Variants in AOPEP observed in about 807,000 individuals in gnomAD.
AOPEP encodes the protein aminopeptidase O.
A neutral mutation model predicts 98.1 loss-of-function variants in AOPEP; 77 were observed. The observed-to-expected ratio is 0.78, with a 90% CI of 0.65 to 0.95. The LOEUF is 0.95. Among genes scored for constraint, AOPEP ranks in the 40% least tolerant of loss-of-function variants. The pLI is 0.00. For synonymous variants in AOPEP, 346 were observed against 365.3 expected (o/e 0.95, Z 0.60); for missense variants, 1,024 against 1,024.7 (o/e 1.00, Z 0.01).
chr9:94,951,726 G>C (rs1362753819), intron 7 of AOPEP, among the ~76,000 whole-genome samples: 2 of 152,220 alleles, frequency 1.3e-5, no homozygotes, highest in African/African-American at 4.8e-5. Flanking sequence ...GGCTGGCCAG[G>C]AGCAGCATGA....
At chr9:94,875,001 C>T (rs552865046) in intron 5 of AOPEP, among the ~76,000 whole-genome samples, 93 of 152,244 alleles carry the variant, frequency 6.1e-4, no homozygotes, top group African/African-American at 2.1e-3. Context: ...CTGAAGAATT[C>T]CTCTGGAAAT....
chr9:95,137,158 C>T, the AOPEP span, among the ~76,000 whole-genome samples: 1 of 152,246 alleles, frequency 6.6e-6, no homozygotes, highest in Non-Finnish European at 1.5e-5. Flanking sequence ...TTCACCATGA[C>T]TTTTGGGCCA....
At chr9:94,899,625 C>T (rs1212158660) in intron 5 of AOPEP, among the ~76,000 whole-genome samples, 2 of 151,704 alleles carry the variant, frequency 1.3e-5, no homozygotes, top group Non-Finnish European at 2.9e-5. Flanking sequence ...CGGTGTGCAC[C>T]TGTAGTCCCA....
At chr9:94,735,433 G>C (rs1831527854) in intron 1 of AOPEP, among the ~76,000 whole-genome samples, 1 of 152,060 alleles carries the variant, frequency 6.6e-6, no homozygotes, top group Non-Finnish European at 1.5e-5. Flanking sequence ...TGTTAGCCAG[G>C]ATGGTCTCGA....
At chr9:94,878,407 T>G (rs912562046) in intron 5 of AOPEP, among the ~76,000 whole-genome samples, 5 of 151,222 alleles carry the variant, frequency 3.3e-5, no homozygotes, top group South Asian at 4.2e-4. Flanking sequence ...GTGTGGTCCT[T>G]TCCAACAGGG....
At chr9:95,015,520 ACTGAG>A (rs1210268990) in intron 13 of AOPEP, among the ~76,000 whole-genome samples, 1 of 152,256 alleles carries the variant, frequency 6.6e-6, no homozygotes, top group Non-Finnish European at 1.5e-5. Flanking sequence ...AGTAGAGAAT[ACTGAG>A]ATGAATAGAA....
At chr9:95,101,919 C>T in the AOPEP span, 82 of 1,577,496 alleles carry the variant, frequency 5.2e-5, no homozygotes, top group South Asian at 9.0e-5. Flanking sequence ...TGTCCAGGGA[C>T]GGACCATAAC....
At chr9:94,877,817 T>A (rs1318036099) in intron 5 of AOPEP, among the ~76,000 whole-genome samples, 1 of 152,238 alleles carries the variant, frequency 6.6e-6, no homozygotes, top group Non-Finnish European at 1.5e-5. Context: ...AGAAGCACAA[T>A]ATACCTTTTG....
chr9:95,012,994 G>GA (rs886957212), intron 13 of AOPEP, among the ~76,000 whole-genome samples: 1 of 137,554 alleles, frequency 7.3e-6, no homozygotes, highest in African/African-American at 2.6e-5. Flanking sequence ...TTTTGGGGGG[G>GA]GGGGCAGGGC....
At chr9:94,924,791 T>C (rs2054061261) in intron 6 of AOPEP, among the ~76,000 whole-genome samples, 2 of 152,206 alleles carry the variant, frequency 1.3e-5, no homozygotes, top group South Asian at 4.1e-4. Flanking sequence ...CTATTAGTTT[T>C]TTAAGGTAAC....
At chr9:94,792,542 C>T (rs368202380) in intron 3 of AOPEP, among the ~76,000 whole-genome samples, 10 of 152,090 alleles carry the variant, frequency 6.6e-5, no homozygotes, top group African/African-American at 2.4e-4. Flanking sequence ...CAAACTGATC[C>T]GTGGAAGAGA....
chr9:95,061,922 T>C (rs987590710), intron 14 of AOPEP, among the ~76,000 whole-genome samples: 2 of 152,246 alleles, frequency 1.3e-5, no homozygotes, highest in Non-Finnish European at 2.9e-5. Flanking sequence ...CAGACTGTTA[T>C]TTTTAATTAG....
the AOPEP span, among the ~76,000 whole-genome samples, chr9:95,139,246 TCA>T: frequency 3.8e-4 from 58 of 152,280 alleles, no homozygotes; most frequent in Middle Eastern, 3.4e-3. Flanking sequence ...CGACGTGGTC[TCA>T]GTTTCACCCT....
chr9:95,100,369 G>A, the AOPEP span: 9 of 231,704 alleles, frequency 3.9e-5, no homozygotes, highest in East Asian at 5.5e-4. Context: ...ATCTTCAGTG[G>A]ATCTATTAGC....
intron 11 of AOPEP, among the ~76,000 whole-genome samples, chr9:94,982,332 T>C (rs1334326043): frequency 2.6e-5 from 4 of 152,086 alleles, no homozygotes; most frequent in Admixed American, 6.5e-5. Flanking sequence ...ATTCAAACAA[T>C]AGCAAAATAG....
chr9:95,076,562 C>T (rs1258849150), intron 14 of AOPEP, among the ~76,000 whole-genome samples: 1 of 152,122 alleles, frequency 6.6e-6, no homozygotes, highest in Admixed American at 6.5e-5. Flanking sequence ...GTCAAGATAT[C>T]CTATTAAATA....
At chr9:94,929,084 C>T (rs769333559) in intron 7 of AOPEP, among the ~76,000 whole-genome samples, 3 of 152,148 alleles carry the variant, frequency 2.0e-5, no homozygotes, top group East Asian at 3.8e-4. Flanking sequence ...CATTTTTCCA[C>T]GTTTGTCCCT....
chr9:95,108,055 C>T, the AOPEP span, among the ~76,000 whole-genome samples: 1 of 152,228 alleles, frequency 6.6e-6, no homozygotes, highest in African/African-American at 2.4e-5. Flanking sequence ...AACTCGTGAA[C>T]AGCTATGTTC....
At chr9:95,099,579 G>A in the AOPEP span, 2 of 230,846 alleles carry the variant, frequency 8.7e-6, no homozygotes, top group Non-Finnish European at 1.7e-5. Flanking sequence ...GGGAATGGCC[G>A]AGGGGTGGCT....
Sources: gnomAD v4.1 joint callset for allele counts (sites outside exome capture counted in the v4.1 genomes callset) on GRCh38, gnomAD v4.1.1 for gene constraint, MANE v1.5 for transcripts, NCBI Gene and HGNC (gene_info 2026-07-23, HGNC 2026-07-21) for gene names.